The following MEOX2 variants were observed in gnomAD, a reference collection of about 807,000 sequenced individuals.
MEOX2 encodes the protein homeobox protein MOX-2.
MEOX2 carries 11 observed loss-of-function variants against 27.0 expected under a neutral mutation model. The ratio of observed to expected loss-of-function variants is 0.41; its 90% CI spans 0.26 to 0.68. The LOEUF is 0.68. Among genes scored for constraint, MEOX2 ranks in the 30% least tolerant of loss-of-function variants. MEOX2 has a pLI of 0.33. For synonymous variants in MEOX2, 189 were observed against 155.4 expected (o/e 1.22, Z -1.61); for missense variants, 436 against 385.4 (o/e 1.13, Z -1.10).
At chr7:15,659,046 G>A (rs925721374) in intron 1 of MEOX2, among the ~76,000 whole-genome samples, 2 of 152,072 alleles carry the variant, frequency 1.3e-5, no homozygotes, top group Non-Finnish European at 2.9e-5. Context: ...GGCACCCAGG[G>A]TGGAGTGCAG....
intron 1 of MEOX2, among the ~76,000 whole-genome samples, chr7:15,685,373 T>C (rs913210142): frequency 6.6e-6 from 1 of 151,852 alleles, no homozygotes; most frequent in African/African-American, 2.4e-5. Flanking sequence ...AAACTGAAAC[T>C]TTTTTTTCTC....
intron 1 of MEOX2, among the ~76,000 whole-genome samples, chr7:15,656,431 G>A (rs990312867): frequency 2.0e-5 from 3 of 147,134 alleles, no homozygotes; most frequent in Non-Finnish European, 3.0e-5. Flanking sequence ...GGTTTTTCAT[G>A]TTTTTCTTTT....
At chr7:15,666,500 T>G (rs1263717153) in intron 1 of MEOX2, among the ~76,000 whole-genome samples, 1 of 151,960 alleles carries the variant, frequency 6.6e-6, no homozygotes, top group Non-Finnish European at 1.5e-5. Flanking sequence ...ATGCCTGTAA[T>G]CCCAGCACTT....
chr7:15,677,332 A>G (rs989545894), intron 1 of MEOX2: 1 of 152,194 alleles, frequency 6.6e-6, no homozygotes, highest in Non-Finnish European at 1.5e-5. Context: ...TCCTTTTCAG[A>G]AACGATGGTA....
intron 1 of MEOX2, among the ~76,000 whole-genome samples, chr7:15,637,740 C>T (rs190125046): frequency 9.2e-5 from 14 of 151,632 alleles, no homozygotes; most frequent in East Asian, 7.8e-4. Context: ...GGGAACATAT[C>T]GGGGCTTTGA....
chr7:15,639,420 T>G (rs1484996028), intron 1 of MEOX2, among the ~76,000 whole-genome samples: 1 of 152,034 alleles, frequency 6.6e-6, no homozygotes, highest in African/African-American at 2.4e-5. Context: ...TTCTTCCAGT[T>G]TCTAGGTTTT....
In MEOX2 at chr7:15,685,745, A is replaced by G. The variant is rs1782368702; in HGVS notation, c.517+141T>C. 9 of 1,209,220 alleles carry G rather than the reference A, an allele frequency of 7.4e-6. No homozygotes were observed. The South Asian group carries it at 1.3e-4, about 18-fold the overall frequency. The allele number at this position is 1,209,220 out of a possible 1,614,324, so 74.9% of individuals were successfully genotyped here. The stretch of plus-strand genomic sequence containing the variant: ...ATCAGGACCAAAGCTTCACCGCCGA[A>G]TTTGGCCGCAGGAAGCCACAGAGGG... On this transcript the variant is annotated intron_variant, in intron 1 of 2. Transcript: ENST00000262041.
At chr7:15,651,762 A>G (rs1781735206) in intron 1 of MEOX2, among the ~76,000 whole-genome samples, 1 of 151,468 alleles carries the variant, frequency 6.6e-6, no homozygotes, top group African/African-American at 2.4e-5. Flanking sequence ...ACTGAAAAAA[A>G]GGAAAAATAA....
At position 15,686,507 on chromosome 7, in the gene MEOX2, T is replaced by C; in HGVS notation, c.-105A>G. On this transcript the variant is annotated 5_prime_UTR_variant, in exon 1 of 3. Transcript: ENST00000262041. The stretch of plus-strand genomic sequence containing the variant: ...AAACCGTGTGATTTTTTTTTTAACC[T>C]CCCAAAGCAATAGCGGTGCACTTCT... 2.9e-6 allele frequency: 2 copies of C among 690,252 alleles called. No individual in the cohort carries two copies. The highest frequency in any genetic ancestry group is 1.9e-5 in the South Asian group (1 of 53,898). The allele number at this position is 690,252 out of a possible 1,614,324, so 42.8% of individuals were successfully genotyped here. A position where few individuals can be genotyped will look rare whatever the true frequency, so the allele number is the denominator to read the frequency against.
At chr7:15,615,429 TAA>T (rs35066341) in intron 2 of MEOX2, among the ~76,000 whole-genome samples, 17 of 150,492 alleles carry the variant, frequency 1.1e-4, no homozygotes, top group Non-Finnish European at 2.1e-4. Context: ...GCATTTGTAA[TAA>T]AAAAAAAGCA....
At chr7:15,614,993 T>G in intron 2 of MEOX2, among the ~76,000 whole-genome samples, 1 of 152,072 alleles carries the variant, frequency 6.6e-6, no homozygotes, top group East Asian at 1.9e-4. Flanking sequence ...AAATCATGTA[T>G]CATATATTGC....
In MEOX2 at chr7:15,623,828, C is replaced by A. The variant is rs76552505; in HGVS notation, c.690+2918G>T. On this transcript the variant is annotated intron_variant, in intron 2 of 2. Transcript: ENST00000262041. ...CTCCTGTGACATTCTACACTCATAA[C>A]AATTGTGAATATTTGTTCAATTTTT... 4.8e-3 allele frequency among the ~76,000 whole-genome samples: 730 copies of A among 152,326 alleles called. 7 individuals carry two copies. The highest frequency in any genetic ancestry group is 0.016 in the African/African-American group (682 of 41,578).
At chr7:15,615,791 T>A (rs1781115259) in intron 2 of MEOX2, among the ~76,000 whole-genome samples, 1 of 152,188 alleles carries the variant, frequency 6.6e-6, no homozygotes, top group African/African-American at 2.4e-5. Context: ...AATACATATG[T>A]CATGATCATC....
At position 15,618,896 on chromosome 7, in the gene MEOX2, C is replaced by T. The variant is rs188626393; in HGVS notation, c.691-6285G>A. ...TCAATAATTTTAATAACTTCAAAAC[C>T]GTCAAAAATTTAAAAATATACGTTC... On this transcript the variant is annotated intron_variant, in intron 2 of 2. Transcript: ENST00000262041. Among the ~76,000 whole-genome samples the T allele has an allele frequency of 1.6e-3, 237 of 151,692 alleles. 2 individuals are homozygous for T. Among genetic ancestry groups the T allele is most frequent in the African/African-American group, 5.3e-3 (218 of 41,424 alleles).
At chr7:15,653,848 G>A (rs1781778831) in intron 1 of MEOX2, among the ~76,000 whole-genome samples, 1 of 151,886 alleles carries the variant, frequency 6.6e-6, no homozygotes, top group Non-Finnish European at 1.5e-5. Flanking sequence ...AATAGAATCC[G>A]CTACTTCTTA....
At chr7:15,653,752 A>G (rs1184562856) in intron 1 of MEOX2, among the ~76,000 whole-genome samples, 1 of 151,802 alleles carries the variant, frequency 6.6e-6, no homozygotes, top group Admixed American at 6.6e-5. Flanking sequence ...TCCACTGTTG[A>G]TTTTCTATTT....
At chr7:15,617,832 T>C (rs1339356654) in intron 2 of MEOX2, among the ~76,000 whole-genome samples, 2 of 152,236 alleles carry the variant, frequency 1.3e-5, no homozygotes, top group Non-Finnish European at 2.9e-5. Context: ...TATTTCCAAG[T>C]CTTGTGGATC....
At chr7:15,630,368 A>G (rs1005563805) in intron 1 of MEOX2, among the ~76,000 whole-genome samples, 1 of 152,064 alleles carries the variant, frequency 6.6e-6, no homozygotes, top group African/African-American at 2.4e-5. Context: ...AAAGATAATA[A>G]TGTTTTATTG....
intron 1 of MEOX2, among the ~76,000 whole-genome samples, chr7:15,649,487 T>A (rs1241612493): frequency 6.6e-6 from 1 of 152,058 alleles, no homozygotes; most frequent in Non-Finnish European, 1.5e-5. Context: ...ACAAGCAAAT[T>A]ACATTTATGA....
Sources: allele counts gnomAD v4.1 joint callset (sites outside exome capture counted in the v4.1 genomes callset), GRCh38; gene constraint gnomAD v4.1.1; transcripts MANE v1.5; gene names NCBI Gene and HGNC (gene_info 2026-07-23, HGNC 2026-07-21).